Variants in DDX24 observed in about 807,000 individuals in gnomAD.
The protein encoded by DDX24 is ATP-dependent RNA helicase DDX24.
Under a neutral mutation model 68.9 loss-of-function variants are expected in DDX24, and 24 were observed. The observed-to-expected ratio is 0.35, with a 90% CI of 0.25 to 0.49. The LOEUF is 0.49. Among genes scored for constraint, DDX24 ranks in the 20% least tolerant of loss-of-function variants. DDX24 has a pLI of 0.99. For missense variants in DDX24, 989 were observed against 1,039.0 expected, an observed-to-expected ratio of 0.95 and a Z score of 0.66; for synonymous variants, 395 against 385.2, an observed-to-expected ratio of 1.03 and a Z score of -0.30.
chr14:94,079,763 A>G lies in DDX24; in HGVS notation c.-5-16T>C. 1 of 1,605,302 alleles carries G rather than the reference A, an allele frequency of 6.2e-7. No individual in the cohort carries two copies. Among genetic ancestry groups the G allele is most frequent in the East Asian group, 2.2e-5 (1 of 44,842 alleles). On this transcript the variant is annotated splice_polypyrimidine_tract_variant and intron_variant, in intron 1 of 8. Coordinates refer to ENST00000621632, the MANE Select transcript of DDX24 (RefSeq NM_020414.4). ...TTCATGGTTGCTGAAAAGGAGATAC[A>G]TGTTCTATTAGGTTGGTGTCTGAGA...
Position 94,079,489 on chromosome 14 carries a change from T to C in DDX24, c.254A>G (p.Glu85Gly). ...GCTAGACTTTCCCTCCTCCTCCTCC[T>C]CTTCTTCTGAAACAGCTTGTGCCTT... ...KRKAQAVSEE[E>G]EEEEGKSSSP... Residue 85 changes from glutamate to glycine, a missense_variant, in exon 2 of 9, where the codon GAG (glutamate) becomes GGG (glycine). Around this residue, in one of 3 missense-constraint regions of DDX24, gnomAD observed 295 missense variants for 263.0 expected, o/e 1.12. Transcript: ENST00000621632. 1 of 1,614,136 alleles carries C rather than the reference T, an allele frequency of 6.2e-7. No homozygotes were observed. Among genetic ancestry groups the C allele is most frequent in the South Asian group, 1.1e-5 (1 of 91,078 alleles).
rs189422506 is a variant in DDX24, at chr14:94,075,620, G to A, written c.718+3405C>T. 5.3e-5 allele frequency among the ~76,000 whole-genome samples: 8 copies of A among 152,208 alleles called. No individual in the cohort carries two copies. The East Asian group carries it at 1.2e-3, about 22-fold the overall frequency. The stretch of plus-strand genomic sequence containing the variant: ...AAAGGTTCTTAGATAAAACACCAAC[G>A]GCACCAAAAGCATAAATTCATAAAA... On this transcript the variant is annotated intron_variant, in intron 2 of 8. Coordinates refer to ENST00000621632, the MANE Select transcript of DDX24 (RefSeq NM_020414.4).
At chr14:94,061,751 C>A (rs1885601451) in intron 3 of DDX24, among the ~76,000 whole-genome samples, 1 of 152,168 alleles carries the variant, frequency 6.6e-6, no homozygotes, top group Non-Finnish European at 1.5e-5. Flanking sequence ...CTCTACTCAA[C>A]TTCACCTTTG....
intron 1 of DDX24, 115 bp downstream of exon 1, chr14:94,081,004 G>T (rs1231799464): frequency 6.6e-6 from 1 of 152,226 alleles, no homozygotes; most frequent in East Asian, 1.9e-4. Context: ...GCCGGCGGCC[G>T]CCCTCTCTGG....
rs375535406 is a variant in DDX24, at chr14:94,057,848, T to C, written c.1963A>G (p.Lys655Glu). Residue 655 changes from lysine (K) to glutamate (E), a missense_variant, in exon 6 of 9, where the codon AAA (lysine) becomes GAA (glutamate). Physicochemically the swap from Lys to Glu is moderately conservative, Grantham distance 56. Around this residue, in one of 3 missense-constraint regions of DDX24, gnomAD observed 691 missense variants for 760.0 expected, o/e 0.91. Coordinates refer to ENST00000621632, the MANE Select transcript of DDX24 (RefSeq NM_020414.4). ...DVAARGLDIPKVQHVIHYQVP... is the reference protein window; with the variant it reads ...DVAARGLDIPEVQHVIHYQVP... ...TGGTAATGGATGACATGCTGGACTTTAGGAATATCCAGACCCCGAGCTGCC... is the reference window on the plus strand; with the variant it reads ...TGGTAATGGATGACATGCTGGACTTCAGGAATATCCAGACCCCGAGCTGCC... The C allele has an allele frequency of 1.4e-5, 22 of 1,613,788 alleles. No individual in the cohort carries two copies. The highest frequency in any genetic ancestry group is 1.8e-5 in the Non-Finnish European group (21 of 1,179,928).
intron 2 of DDX24, among the ~76,000 whole-genome samples, chr14:94,069,336 G>A (rs1230606229): frequency 6.6e-6 from 1 of 152,036 alleles, no homozygotes; most frequent in Non-Finnish European, 1.5e-5. Context: ...ACCCTGAACA[G>A]ACCAATAACA....
chr14:94,078,502 C>T (rs1255050354), intron 2 of DDX24, among the ~76,000 whole-genome samples: 26 of 152,164 alleles, frequency 1.7e-4, no homozygotes, highest in Non-Finnish European at 1.5e-5. Flanking sequence ...AATGACTACC[C>T]ACCACACTCA....
At chr14:94,061,503 G>A (rs1376195694) in intron 3 of DDX24, among the ~76,000 whole-genome samples, 1 of 152,192 alleles carries the variant, frequency 6.6e-6, no homozygotes, top group Non-Finnish European at 1.5e-5. Context: ...CGTCTCTGGT[G>A]CAGAAATTCT....
intron 2 of DDX24, among the ~76,000 whole-genome samples, chr14:94,074,005 T>C (rs1390369235): frequency 6.8e-6 from 1 of 146,320 alleles, no homozygotes; most frequent in African/African-American, 2.6e-5. Context: ...ATCGCACCAC[T>C]GCACTCCAGC....
intron 2 of DDX24, among the ~76,000 whole-genome samples, chr14:94,074,660 A>G (rs1885899915): frequency 6.6e-6 from 1 of 152,228 alleles, no homozygotes; most frequent in Middle Eastern, 3.2e-3. Flanking sequence ...TCAAACACAA[A>G]GCAATAATGC....
chr14:94,079,187 C>G lies in DDX24; in HGVS notation c.556G>C (p.Asp186His). Residue 186 changes from aspartate to histidine, a missense_variant, in exon 2 of 9, where the codon GAT becomes CAT. Physicochemically the swap from Asp to His is moderately conservative, Grantham distance 81. This residue lies in a region of DDX24 where 295 missense variants were observed against 263.0 expected (regional missense o/e 1.12). Coordinates refer to ENST00000621632, the MANE Select transcript of DDX24 (RefSeq NM_020414.4). The part of the protein sequence containing the change: ...KAKTWIPEVH[D>H]QKADVSAWKD... Reference sequence around the variant, plus strand: ...CAAGCTGACACATCTGCTTTCTGATCATGAACTTCAGGAATCCATGTCTTC... The same window carrying G: ...CAAGCTGACACATCTGCTTTCTGATGATGAACTTCAGGAATCCATGTCTTC... 6.2e-7 allele frequency: 1 copy of G among 1,614,228 alleles called. No homozygotes were observed. Among genetic ancestry groups the G allele is most frequent in the Non-Finnish European group, 8.5e-7 (1 of 1,180,048 alleles).
chr14:94,053,924 A>T (rs1235325734), intron 7 of DDX24, among the ~76,000 whole-genome samples: 1 of 152,222 alleles, frequency 6.6e-6, no homozygotes, highest in Non-Finnish European at 1.5e-5. Flanking sequence ...CTTCCTGATA[A>T]AAGTCCAGTG....
chr14:94,061,879 C>T (rs1157740948), intron 3 of DDX24, among the ~76,000 whole-genome samples: 11 of 152,138 alleles, frequency 7.2e-5, no homozygotes, highest in Non-Finnish European at 1.5e-5. Context: ...CTACTGTATC[C>T]AATAAATTTC....
chr14:94,062,072 T>C (rs1460157557), intron 3 of DDX24, 25 bp downstream of exon 3: 13 of 1,570,292 alleles, frequency 8.3e-6, no homozygotes, highest in Non-Finnish European at 1.1e-5. Context: ...CTAGAAAATA[T>C]TTATTAAATG....
intron 8 of DDX24, 36 bp from the exon 9 acceptor site, chr14:94,051,498 T>C (rs45505197): frequency 3.0e-4 from 443 of 1,499,344 alleles, no homozygotes; most frequent in Non-Finnish European, 3.1e-4. Context: ...CTATTTACTA[T>C]GGTTTGTAGA....
chr14:94,081,166 C>CA lies in DDX24; in HGVS notation c.-54dup, dbSNP rs1886084874. The CA allele has an allele frequency of 6.6e-6, 1 of 152,348 alleles. No homozygotes were observed. Among genetic ancestry groups the CA allele is most frequent in the African/African-American group, 2.4e-5 (1 of 41,480 alleles). 9.4% of individuals were successfully genotyped at this position (152,348 alleles called of 1,614,324 possible). The stretch of plus-strand genomic sequence containing the variant: ...TCCGTCAGTCGCGAGTGAAGAACCT[C>CA]AGAAACCGCCGCTGTACCTCAGCTG... On this transcript the variant is annotated 5_prime_UTR_variant, in exon 1 of 9. Coordinates refer to ENST00000621632, the MANE Select transcript of DDX24 (RefSeq NM_020414.4).
intron 1 of DDX24, among the ~76,000 whole-genome samples, chr14:94,080,834 C>T (rs1248853732): frequency 6.6e-6 from 1 of 152,238 alleles, no homozygotes; most frequent in Non-Finnish European, 1.5e-5. Context: ...CTCCTCGTGA[C>T]GCCGGTCCCG....
rs1325522190 is a variant in DDX24, at chr14:94,050,855, C to CA, written c.*335dup. ...GAGAATCACTAAGTTAATAATGAAA[C>CA]AAACTACACCACCACCCCCATCTTC... On this transcript the variant is annotated 3_prime_UTR_variant, in exon 9 of 9. Coordinates refer to ENST00000621632, the MANE Select transcript of DDX24 (RefSeq NM_020414.4). The CA allele has an allele frequency of 1.3e-5, 3 of 238,828 alleles. No homozygotes were observed. The highest frequency in any genetic ancestry group is 2.4e-5 in the African/African-American group (1 of 41,860). 14.8% of individuals were successfully genotyped at this position (238,828 alleles called of 1,614,324 possible).
chr14:94,053,814 C>CA (rs1192588621), intron 7 of DDX24, among the ~76,000 whole-genome samples: 3 of 149,840 alleles, frequency 2.0e-5, no homozygotes, highest in Non-Finnish European at 4.4e-5. Context: ...AGCTCCGTCT[C>CA]AAAAAAAAAT....
Sources: gnomAD v4.1 joint callset for allele counts (sites outside exome capture counted in the v4.1 genomes callset) on GRCh38, gnomAD v4.1.1 for gene constraint, gnomAD v4.1.1 regional missense constraint, MANE v1.5 for transcripts, NCBI Gene and HGNC (gene_info 2026-07-23, HGNC 2026-07-21) for gene names.